The following PLCL2 variants were observed in gnomAD, a reference collection of about 807,000 sequenced individuals.
PLCL2 encodes the protein phospholipase C like 2.
A neutral mutation model predicts 79.6 loss-of-function variants in PLCL2; 4 were observed. The observed-to-expected ratio is 0.05, with a 90% CI of 0.02 to 0.11. The LOEUF is 0.11. PLCL2 is among the 10% of genes least tolerant of loss of function. PLCL2 has a pLI of 1.00. For synonymous variants in PLCL2, 484 were observed against 457.7 expected (o/e 1.06, Z -0.73); for missense variants, 895 against 1,291.0 (o/e 0.69, Z 4.70).
intron 4 of PLCL2, among the ~76,000 whole-genome samples, chr3:17,043,871 A>C (rs765698981): frequency 2.6e-5 from 4 of 152,200 alleles, no homozygotes; most frequent in Non-Finnish European, 5.9e-5. Context: ...TTGTCAGCAA[A>C]TATTGTTAGC....
At chr3:16,984,173 T>C (rs2064026434) in intron 1 of PLCL2, among the ~76,000 whole-genome samples, 1 of 152,180 alleles carries the variant, frequency 6.6e-6, no homozygotes, top group Non-Finnish European at 1.5e-5. Flanking sequence ...GTGGTGTTAC[T>C]TATTTTTAGT....
intron 1 of PLCL2, among the ~76,000 whole-genome samples, chr3:16,963,494 G>T (rs946451293): frequency 6.6e-6 from 1 of 152,030 alleles, no homozygotes; most frequent in Non-Finnish European, 1.5e-5. Context: ...TAATAAAATT[G>T]CATGTTCTGA....
chr3:17,024,311 AAGG>A (rs2064490273), intron 3 of PLCL2, among the ~76,000 whole-genome samples: 1 of 152,164 alleles, frequency 6.6e-6, no homozygotes, highest in Non-Finnish European at 1.5e-5. Context: ...GAGAGAGAAA[AAGG>A]AGGGTGAAGT....
Position 17,012,006 on chromosome 3 carries a change from G to T in PLCL2, c.2660G>T (p.Gly887Val). 6.2e-7 allele frequency: 1 copy of T among 1,614,012 alleles called. No individual in the cohort carries two copies. Among genetic ancestry groups the T allele is most frequent in the Non-Finnish European group, 8.5e-7 (1 of 1,179,932 alleles). ...GCTATTACTAACCGAAGAGGAGGAG[G>T]AAAGCCTCATAAAAGGGGCCTTTCT... is the stretch of plus-strand genomic sequence containing the variant. ...HVAITNRRGG[G>V]KPHKRGLSVR... Residue 887 changes from glycine (G) to valine (V), a missense_variant, in exon 2 of 6, where the codon GGA (glycine) becomes GTA (valine). Physicochemically the swap from Gly to Val is moderately radical, Grantham distance 109 (BLOSUM62 -3). Transcript: ENST00000615277.
chr3:17,045,998 G>C (rs1036981814), intron 4 of PLCL2, among the ~76,000 whole-genome samples: 9 of 152,174 alleles, frequency 5.9e-5, no homozygotes, highest in Non-Finnish European at 1.0e-4. Context: ...ACTTTGCTCA[G>C]AGTCAGAGAT....
intron 1 of PLCL2, among the ~76,000 whole-genome samples, chr3:16,897,024 T>G (rs189108859): frequency 6.6e-6 from 1 of 152,150 alleles, no homozygotes; most frequent in East Asian, 1.9e-4. Flanking sequence ...TGTAGCTCTG[T>G]TAGATATGAG....
In PLCL2 at chr3:16,952,360, C is replaced by CAAAAAAAAAAAAAAAAAAAAAAAA. The variant is rs35421244; in HGVS notation, c.328-57306_328-57283dup. On this transcript the variant is annotated intron_variant, in intron 1 of 5. Transcript: ENST00000615277. ...TGCACATGTATCCCAGAACTTAAAG[C>CAAAAAAAAAAAAAAAAAAAAAAAA]AAAAAAAAAAAAAAAAAAAAAAAAA... is the stretch of plus-strand genomic sequence containing the variant. 1.8e-4 allele frequency among the ~76,000 whole-genome samples: 4 copies of CAAAAAAAAAAAAAAAAAAAAAAAA among 22,616 alleles called. 2 individuals are homozygous for CAAAAAAAAAAAAAAAAAAAAAAAA. The highest frequency in any genetic ancestry group is 2.9e-4 in the Non-Finnish European group (4 of 13,626). 14.8% of individuals were successfully genotyped at this position (22,616 alleles called of 152,430 possible).
chr3:17,038,007 CAT>C (rs2064675491), intron 3 of PLCL2, among the ~76,000 whole-genome samples: 1 of 152,104 alleles, frequency 6.6e-6, no homozygotes. Context: ...ACTTTCAAAA[CAT>C]AGCACTCCGA....
At chr3:16,960,939 G>C (rs1345590548) in intron 1 of PLCL2, among the ~76,000 whole-genome samples, 2 of 152,086 alleles carry the variant, frequency 1.3e-5, no homozygotes, top group Non-Finnish European at 2.9e-5. Flanking sequence ...TAAATACTTA[G>C]CAAGTTGAGA....
intron 1 of PLCL2, among the ~76,000 whole-genome samples, chr3:17,007,515 T>C (rs1253683137): frequency 6.6e-6 from 1 of 152,188 alleles, no homozygotes; most frequent in African/African-American, 2.4e-5. Context: ...GAGGATATAA[T>C]TGTAAAGAAA....
At chr3:17,070,258 C>T (rs562163704) in intron 5 of PLCL2, among the ~76,000 whole-genome samples, 27 of 152,236 alleles carry the variant, frequency 1.8e-4, no homozygotes, top group Admixed American at 5.2e-4. Flanking sequence ...TTCTTAGGCA[C>T]ATTAAAGTTT....
At chr3:16,992,491 C>G (rs981993795) in intron 1 of PLCL2, among the ~76,000 whole-genome samples, 1 of 152,208 alleles carries the variant, frequency 6.6e-6, no homozygotes, top group East Asian at 1.9e-4. Context: ...GTGGGCTATA[C>G]AGGCATTGTG....
intron 1 of PLCL2, among the ~76,000 whole-genome samples, chr3:16,888,131 A>T (rs990788822): frequency 1.3e-5 from 2 of 152,180 alleles, no homozygotes; most frequent in Non-Finnish European, 2.9e-5. Context: ...GAGGGAGAAT[A>T]ATGGCCTAAA....
chr3:16,924,950 G>A (rs899761229), intron 1 of PLCL2, among the ~76,000 whole-genome samples: 4 of 150,722 alleles, frequency 2.7e-5, no homozygotes, highest in East Asian at 1.9e-4. Context: ...TTGAGATGGA[G>A]TCTCGCTCTG....
At chr3:17,022,408 G>A (rs1042419376) in intron 3 of PLCL2, among the ~76,000 whole-genome samples, 5 of 151,760 alleles carry the variant, frequency 3.3e-5, no homozygotes, top group Admixed American at 6.6e-5. Flanking sequence ...ATACTTTTTC[G>A]ATAGTTTCTC....
chr3:16,965,206 A>C (rs1048106510), intron 1 of PLCL2, among the ~76,000 whole-genome samples: 2 of 152,234 alleles, frequency 1.3e-5, no homozygotes, highest in African/African-American at 4.8e-5. Context: ...ATAAGGTATA[A>C]GGAAGGGATC....
chr3:16,979,093 G>A (rs891056313), intron 1 of PLCL2, among the ~76,000 whole-genome samples: 2 of 152,132 alleles, frequency 1.3e-5, no homozygotes, highest in Non-Finnish European at 2.9e-5. Flanking sequence ...ACCATTCTAA[G>A]CCCAAGTAGG....
intron 1 of PLCL2, among the ~76,000 whole-genome samples, chr3:16,941,035 A>AC (rs997761964): frequency 3.1e-4 from 47 of 152,142 alleles, no homozygotes; most frequent in Middle Eastern, 3.4e-3. Flanking sequence ...GCTTATTCTA[A>AC]CCCTGCCTGC....
rs2065257666 is a variant in PLCL2, at chr3:17,090,026, A to G, written c.*114A>G. ...ATAATATTCGGGATTTTAAAGCACA[A>G]CTGGAATAGCTAATTACAGTCTATT... On this transcript the variant is annotated 3_prime_UTR_variant, in exon 6 of 6. Coordinates refer to ENST00000615277, the MANE Select transcript of PLCL2 (RefSeq NM_001144382.2). The G allele has an allele frequency of 1.4e-6, 2 of 1,426,330 alleles. No individual in the cohort carries two copies. The highest frequency in any genetic ancestry group is 5.0e-5 in the East Asian group (2 of 39,886). The allele number at this position is 1,426,330 out of a possible 1,614,324, so 88.4% of individuals were successfully genotyped here.
Sources: gnomAD v4.1 joint callset for allele counts (sites outside exome capture counted in the v4.1 genomes callset) on GRCh38, gnomAD v4.1.1 for gene constraint, MANE v1.5 for transcripts, NCBI Gene and HGNC (gene_info 2026-07-23, HGNC 2026-07-21) for gene names.